Variants in TRPM7 observed in about 807,000 individuals in gnomAD.
The protein encoded by TRPM7 is transient receptor potential cation channel subfamily M member 7.
Under a neutral mutation model 229.7 loss-of-function variants are expected in TRPM7, and 134 were observed. That is an observed-to-expected ratio of 0.58 (90% CI 0.51 to 0.67). The LOEUF (loss-of-function observed/expected upper bound fraction) is 0.67. TRPM7 is among the 30% of genes least tolerant of loss of function. TRPM7 has a pLI of 0.00. For synonymous variants in TRPM7, 699 were observed against 715.2 expected, an observed-to-expected ratio of 0.98 and a Z score of 0.36; for missense variants, 1,901 against 2,210.0, an observed-to-expected ratio of 0.86 and a Z score of 2.80.
intron 1 of TRPM7, among the ~76,000 whole-genome samples, chr15:50,673,231 T>G (rs189508435): frequency 6.6e-6 from 1 of 152,302 alleles, no homozygotes; most frequent in African/African-American, 2.4e-5. Flanking sequence ...CCATTCACAG[T>G]AAATGCCTTA....
At chr15:50,605,813 T>C (rs533616552) in intron 20 of TRPM7, among the ~76,000 whole-genome samples, 2 of 152,206 alleles carry the variant, frequency 1.3e-5, no homozygotes, top group Non-Finnish European at 2.9e-5. Flanking sequence ...ATTTAACAAA[T>C]CAATTTCTTC....
intron 3 of TRPM7, among the ~76,000 whole-genome samples, chr15:50,649,722 A>G (rs959636298): frequency 2.0e-5 from 3 of 152,202 alleles, no homozygotes; most frequent in Admixed American, 6.6e-5. Flanking sequence ...CTATAACACC[A>G]TAAGTAGGAA....
rs1178295041 is a variant in TRPM7, at chr15:50,631,424, C to G, written c.1197G>C (p.Leu399=). Residue 399 remains leucine (L), a synonymous_variant, in exon 10 of 39, where the codon CTG becomes CTC. Transcript: ENST00000646667. ...QDIDVAILTA[L]LKGTNASAFD... is the part of the protein sequence containing the mutation. Reference sequence around the variant, plus strand: ...AAGTTCTTAGAGGCTTACCTTTTAGCAGTGCAGTAAGTATTGCTACATCTA... The same window carrying G: ...AAGTTCTTAGAGGCTTACCTTTTAGGAGTGCAGTAAGTATTGCTACATCTA... 3 of 1,603,878 alleles carry G rather than the reference C, an allele frequency of 1.9e-6. No individual in the cohort carries two copies. The East Asian group carries it at 6.7e-5, about 36-fold the overall frequency.
chr15:50,609,718 A>T lies in TRPM7; in HGVS notation c.2443T>A (p.Phe815Ile). ...NITEEIPMEVFKEVRILDSNE... is the reference protein window; with the variant it reads ...NITEEIPMEVIKEVRILDSNE... ...CTATCCAAAATCCGTACTTCTTTAA[A>T]CACTTCCTAAAATTAAAAAAAAAAA... Residue 815 changes from phenylalanine to isoleucine, a missense_variant, in exon 19 of 39, where the codon TTT becomes ATT. Coordinates refer to ENST00000646667, the MANE Select transcript of TRPM7 (RefSeq NM_017672.6). The T allele has an allele frequency of 1.9e-6, 3 of 1,575,940 alleles. No individual in the cohort carries two copies. The highest frequency in any genetic ancestry group is 2.6e-6 in the Non-Finnish European group (3 of 1,167,338).
chr15:50,608,946 C>CA (rs1251612935), intron 19 of TRPM7, among the ~76,000 whole-genome samples: 1 of 152,140 alleles, frequency 6.6e-6, no homozygotes, highest in African/African-American at 2.4e-5. Flanking sequence ...GCTCATTCTC[C>CA]ACACAAAACA....
chr15:50,651,048 G>A (rs752078073), intron 3 of TRPM7, among the ~76,000 whole-genome samples: 6 of 152,032 alleles, frequency 3.9e-5, no homozygotes, highest in East Asian at 1.9e-4. Context: ...TTAGTCGGGC[G>A]TGGTGATGCA....
chr15:50,679,538 ATTTTTTTTT>A (rs58783893), intron 1 of TRPM7, among the ~76,000 whole-genome samples: 1 of 43,904 alleles, frequency 2.3e-5, no homozygotes, highest in African/African-American at 1.1e-4. Context: ...ATATATATAT[ATTTTTTTTT>A]TTTTTTGAGA....
chr15:50,678,258 C>CAA (rs1247410683), intron 1 of TRPM7, among the ~76,000 whole-genome samples: 2 of 111,462 alleles, frequency 1.8e-5, no homozygotes, highest in Non-Finnish European at 4.0e-5. Flanking sequence ...AAAACAAAAA[C>CAA]AAAAACAAAA....
chr15:50,608,560 G>T (rs2059981859), intron 19 of TRPM7, among the ~76,000 whole-genome samples: 1 of 152,194 alleles, frequency 6.6e-6, no homozygotes, highest in South Asian at 2.1e-4. Context: ...ATTTTCATCA[G>T]TGGAGACAGA....
rs754348044 is a variant in TRPM7, at chr15:50,604,852, A to C, written c.2988+14T>G. On this transcript the variant is annotated intron_variant, in intron 21 of 38. Coordinates refer to ENST00000646667, the MANE Select transcript of TRPM7 (RefSeq NM_017672.6). ...AATAAACCCACGAGTATTATCAAACATCTGTCAACTTACCATTTTTCCAAT... is the reference window on the plus strand; with the variant it reads ...AATAAACCCACGAGTATTATCAAACCTCTGTCAACTTACCATTTTTCCAAT... 10 of 1,541,156 alleles carry C rather than the reference A, an allele frequency of 6.5e-6. No individual in the cohort carries two copies. The South Asian group carries it at 1.3e-4, about 19-fold the overall frequency.
intron 21 of TRPM7, 165 bp downstream of exon 21, chr15:50,604,701 T>C (rs2059876716): frequency 7.6e-6 from 5 of 661,730 alleles, no homozygotes; most frequent in East Asian, 2.8e-5. Context: ...GGGATTGGGA[T>C]TGAGCATGAG....
chr15:50,598,790 G>A (rs1354980740), intron 22 of TRPM7, among the ~76,000 whole-genome samples: 3 of 152,100 alleles, frequency 2.0e-5, no homozygotes, highest in Admixed American at 6.6e-5. Context: ...GTTGGCAGCC[G>A]GAAGAAAAAG....
Position 50,575,804 on chromosome 15 carries a change from G to T in TRPM7, c.4670-15C>A. 1 of 1,613,276 alleles carries T rather than the reference G, an allele frequency of 6.2e-7. No individual in the cohort carries two copies. ...TCTTTCCACAGCTGCATAAAAATGA[G>T]AGAGAAATAATTAAATCTGTAAAGG... is the stretch of plus-strand genomic sequence containing the variant. On this transcript the variant is annotated splice_polypyrimidine_tract_variant and intron_variant, in intron 32 of 38. Coordinates refer to ENST00000646667, the MANE Select transcript of TRPM7 (RefSeq NM_017672.6).
intron 21 of TRPM7, chr15:50,599,736 A>C (rs2059725733): frequency 6.6e-6 from 1 of 152,412 alleles, no homozygotes; most frequent in African/African-American, 2.4e-5. Context: ...TACTTTGCCC[A>C]CTTCACACAA....
chr15:50,622,827 A>G (rs1378934410), intron 12 of TRPM7, among the ~76,000 whole-genome samples: 1 of 152,196 alleles, frequency 6.6e-6, no homozygotes, highest in Non-Finnish European at 1.5e-5. Context: ...CAGAGGTTGC[A>G]GTGAGCCCAG....
At position 50,613,829 on chromosome 15, in the gene TRPM7, T is replaced by A; in HGVS notation, c.1648A>T (p.Asn550Tyr). 1 of 1,611,616 alleles carries A rather than the reference T, an allele frequency of 6.2e-7. No individual in the cohort carries two copies. Among genetic ancestry groups the A allele is most frequent in the African/African-American group, 1.3e-5 (1 of 74,920 alleles). Residue 550 changes from asparagine (N) to tyrosine (Y), a missense_variant, in exon 15 of 39, where the codon AAT (asparagine) becomes TAT (tyrosine). Asn to Tyr is a moderately radical substitution (Grantham distance 143). This residue lies in a region of TRPM7 where 794 missense variants were observed against 881.9 expected (regional missense o/e 0.90). Transcript: ENST00000646667. ...AACTGAGGAGTGCTGCTGGAGGTAT[T>A]TCGGCCAGACCTCTGAAAATGAGAT... ...LGGNNRRSGR[N>Y]TSSSTPQLRK...
In TRPM7 at chr15:50,570,169, T is replaced by A. The variant is rs1225611030; in HGVS notation, c.5309-14A>T. ...TTTCACCAACACCTTTATATGTGTA[T>A]ATAAAAAAGACAAATAATTTATATT... is the stretch of plus-strand genomic sequence containing the variant. On this transcript the variant is annotated splice_polypyrimidine_tract_variant and intron_variant, in intron 36 of 38. Transcript: ENST00000646667. The A allele has an allele frequency of 6.4e-7, 1 of 1,562,614 alleles. No homozygotes were observed. Among genetic ancestry groups the A allele is most frequent in the East Asian group, 2.3e-5 (1 of 44,232 alleles).
At chr15:50,628,318 T>A in intron 10 of TRPM7, 69 bp from the exon 11 acceptor site, 1 of 1,170,932 alleles carries the variant, frequency 8.5e-7, no homozygotes, top group Non-Finnish European at 1.3e-6. Flanking sequence ...AACACTTTTT[T>A]TTTTTTTAAG....
intron 1 of TRPM7, among the ~76,000 whole-genome samples, chr15:50,671,067 GACCACTT>G (rs2061978991): frequency 1.3e-5 from 2 of 152,038 alleles, no homozygotes; most frequent in Non-Finnish European, 2.9e-5. Context: ...TTTGTGGTGA[GACCACTT>G]AAAATATACT....
Sources: gnomAD v4.1 joint callset for allele counts (sites outside exome capture counted in the v4.1 genomes callset) on GRCh38, gnomAD v4.1.1 for gene constraint, gnomAD v4.1.1 regional missense constraint, MANE v1.5 for transcripts, NCBI Gene and HGNC (gene_info 2026-07-23, HGNC 2026-07-21) for gene names.